The following TET1 variants were observed in gnomAD, a reference collection of about 807,000 sequenced individuals.
TET1 encodes tet methylcytosine dioxygenase 1, also known as methylcytosine dioxygenase TET1.
In TET1, 13 loss-of-function variants were observed where a neutral mutation model predicts 148.7. The ratio of observed to expected loss-of-function variants is 0.09; its 90% CI spans 0.06 to 0.14. The LOEUF is 0.14. TET1 is among the 10% of genes least tolerant of loss of function. The pLI, the probability that TET1 is intolerant of heterozygous loss-of-function variation, is 1.00. For missense variants in TET1, 2,182 were observed against 2,553.8 expected (o/e 0.85, Z 3.14); for synonymous variants, 907 against 937.2 (o/e 0.97, Z 0.59).
chr10:68,643,205 T>A (rs1414094802), intron 3 of TET1, among the ~76,000 whole-genome samples: 2 of 132,898 alleles, frequency 1.5e-5, no homozygotes, highest in African/African-American at 5.7e-5. Flanking sequence ...GAAGCCACGG[T>A]GAACTGTGAT....
In TET1 at chr10:68,665,032, G is replaced by A. The variant is rs934964569; in HGVS notation, c.4462-2013G>A. Among the ~76,000 whole-genome samples the A allele has an allele frequency of 5.3e-5, 8 of 151,904 alleles. No individual in the cohort carries two copies. In the South Asian group the frequency reaches 6.2e-4, roughly 12 times the overall value. ...AGCAATCCTCTCACCTCTACGTTCC[G>A]AAATCCTGGCATTACAAGTGTGAGC... On this transcript the variant is annotated intron_variant, in intron 6 of 11. Transcript: ENST00000373644.
chr10:68,647,603 TA>T (rs775871143), intron 4 of TET1, among the ~76,000 whole-genome samples: 5 of 141,068 alleles, frequency 3.5e-5, no homozygotes, highest in Non-Finnish European at 6.1e-5. Flanking sequence ...GACCCTGTCT[TA>T]AAAAAAAAAG....
chr10:68,590,381 C>G (rs1199966938), intron 2 of TET1, among the ~76,000 whole-genome samples: 1 of 152,118 alleles, frequency 6.6e-6, no homozygotes, highest in African/African-American at 2.4e-5. Context: ...ATCCTCCTGC[C>G]TTGGCTTCCC....
intron 2 of TET1, among the ~76,000 whole-genome samples, chr10:68,575,200 G>A (rs1315366129): frequency 3.3e-5 from 5 of 151,936 alleles, no homozygotes; most frequent in Non-Finnish European, 5.9e-5. Context: ...CCTGGCTGAC[G>A]TGGTGAAACC....
chr10:68,578,394 G>C (rs1026686621), intron 2 of TET1, among the ~76,000 whole-genome samples: 9 of 152,064 alleles, frequency 5.9e-5, no homozygotes, highest in African/African-American at 1.7e-4. Flanking sequence ...GAGTAGCTGG[G>C]ATTACAGGCA....
intron 3 of TET1, among the ~76,000 whole-genome samples, chr10:68,644,252 A>G (rs1340582086): frequency 6.6e-6 from 1 of 151,894 alleles, no homozygotes; most frequent in Admixed American, 6.6e-5. Flanking sequence ...CCCAGGCTGG[A>G]GTATAGTAGC....
intron 2 of TET1, among the ~76,000 whole-genome samples, chr10:68,598,723 G>T (rs1377672714): frequency 6.9e-6 from 1 of 145,104 alleles, no homozygotes; most frequent in African/African-American, 2.6e-5. Flanking sequence ...TTTTGGAGAC[G>T]GAGTCTGGCT....
intron 3 of TET1, among the ~76,000 whole-genome samples, chr10:68,626,692 A>G (rs2054488004): frequency 6.6e-6 from 1 of 151,794 alleles, no homozygotes; most frequent in Non-Finnish European, 1.5e-5. Flanking sequence ...CTGGGATTAT[A>G]GGTATGCGCC....
chr10:68,650,687 C>G (rs1302263198), intron 4 of TET1, among the ~76,000 whole-genome samples: 1 of 152,110 alleles, frequency 6.6e-6, no homozygotes, highest in Non-Finnish European at 1.5e-5. Flanking sequence ...AGTAATTCCC[C>G]TAGTATTTGA....
chr10:68,624,663 TCTCTCTCTCTCTCTCTCTC>T (rs2054442230), intron 3 of TET1, among the ~76,000 whole-genome samples: 1 of 95,548 alleles, frequency 1.0e-5, no homozygotes, highest in African/African-American at 4.5e-5. Flanking sequence ...TTTCTTTCTC[TCTCTCTCTCTCTCTCTCTC>T]TCTCTCTCTC....
chr10:68,622,164 CCCTTCCTTCCTTCCTT>C (rs1198639936), intron 3 of TET1, among the ~76,000 whole-genome samples: 39 of 124,076 alleles, frequency 3.1e-4, no homozygotes, highest in East Asian at 1.4e-3. Flanking sequence ...GATACCTATG[CCCTTCCTTCCTTCCTT>C]CCTTCCTTCC....
At chr10:68,664,671 T>TC (rs35564300) in intron 6 of TET1, among the ~76,000 whole-genome samples, 4 of 2,628 alleles carry the variant, frequency 1.5e-3, no homozygotes, top group African/African-American at 6.2e-3. Flanking sequence ...CCAGCCTGCA[T>TC]TTTTTTTTTT....
At chr10:68,625,340 C>T (rs1029648119) in intron 3 of TET1, among the ~76,000 whole-genome samples, 1 of 152,076 alleles carries the variant, frequency 6.6e-6, no homozygotes, top group African/African-American at 2.4e-5. Context: ...GTAGAAATTG[C>T]TTTATTATTA....
At position 68,693,559 on chromosome 10, in the gene TET1, T is replaced by C. The variant is rs768263934; in HGVS notation, c.*1745T>C. On this transcript the variant is annotated 3_prime_UTR_variant, in exon 12 of 12. Transcript: ENST00000373644. ...GGGATTGTAAAAAACAAAATGTCCA[T>C]TGATAGACCATCGTGTACAAGTAGA... The C allele has an allele frequency of 1.7e-5, 4 of 233,028 alleles. No homozygotes were observed. Among genetic ancestry groups the C allele is most frequent in the Admixed American group, 1.7e-4 (3 of 17,790 alleles). The allele number at this position is 233,028 out of a possible 1,614,324, so 14.4% of individuals were successfully genotyped here.
intron 2 of TET1, among the ~76,000 whole-genome samples, chr10:68,593,989 G>A (rs1196079633): frequency 1.7e-5 from 2 of 120,914 alleles, no homozygotes; most frequent in Non-Finnish European, 3.2e-5. Flanking sequence ...GCAGTTGCAA[G>A]ATCCCAGCTC....
In TET1 at chr10:68,688,416, T is replaced by C. The variant is rs528081699; in HGVS notation, c.5404+1709T>C. Among the ~76,000 whole-genome samples, 10 of 138,024 alleles carry C rather than the reference T, an allele frequency of 7.2e-5. No homozygotes were observed. The East Asian group carries it at 2.1e-3, about 29-fold the overall frequency. 90.5% of individuals were successfully genotyped at this position (138,024 alleles called of 152,430 possible). ...CTCAGTTCTTTTGTCACAACCTCAA[T>C]TGTCTTTTGATAGCTTTTTTTTTTT... is the stretch of plus-strand genomic sequence containing the variant. On this transcript the variant is annotated intron_variant, in intron 11 of 11. Coordinates refer to ENST00000373644, the MANE Select transcript of TET1 (RefSeq NM_030625.3).
At chr10:68,612,350 A>G (rs2054228979) in intron 3 of TET1, among the ~76,000 whole-genome samples, 1 of 151,974 alleles carries the variant, frequency 6.6e-6, no homozygotes, top group Non-Finnish European at 1.5e-5. Flanking sequence ...TCAGCCTTCC[A>G]AAGTGGTGAG....
intron 2 of TET1, among the ~76,000 whole-genome samples, chr10:68,597,058 G>C (rs189146493): frequency 0.012 from 855 of 73,676 alleles, 13 homozygotes; most frequent in African/African-American, 0.057. Context: ...TTTTGAGACC[G>C]AGTCTCATTC....
intron 2 of TET1, among the ~76,000 whole-genome samples, chr10:68,576,801 C>T (rs577804541): frequency 1.5e-3 from 233 of 152,210 alleles, no homozygotes; most frequent in Middle Eastern, 6.8e-3. Context: ...GGCATGATCT[C>T]GGCTCCCAAG....
Sources: gnomAD v4.1 joint callset for allele counts (sites outside exome capture counted in the v4.1 genomes callset) on GRCh38, gnomAD v4.1.1 for gene constraint, MANE v1.5 for transcripts, NCBI Gene and HGNC (gene_info 2026-07-23, HGNC 2026-07-21) for gene names.